The following ORC1 variants were observed in gnomAD, a reference collection of about 807,000 sequenced individuals.
The protein encoded by ORC1 is origin recognition complex subunit 1.
ORC1 carries 61 observed loss-of-function variants against 98.9 expected under a neutral mutation model. The observed-to-expected ratio is 0.62, with a 90% CI of 0.50 to 0.76. The LOEUF is 0.76. Ranked by LOEUF, ORC1 falls within the 30% of genes least tolerant of loss-of-function variation. The pLI, the probability that ORC1 is intolerant of heterozygous loss-of-function variation, is 0.00. For missense variants in ORC1, 979 were observed against 1,072.2 expected (o/e 0.91, Z 1.21); for synonymous variants, 385 against 406.9 (o/e 0.95, Z 0.65).
intron 3 of ORC1, 79 bp downstream of exon 3, chr1:52,401,283 G>T: frequency 6.4e-7 from 1 of 1,573,036 alleles, no homozygotes; most frequent in South Asian, 1.1e-5. Flanking sequence ...ACACTGCTGT[G>T]AACAAAAGAA....
At chr1:52,394,169 T>C (rs1009465802) in intron 5 of ORC1, among the ~76,000 whole-genome samples, 1 of 152,252 alleles carries the variant, frequency 6.6e-6, no homozygotes, top group African/African-American at 2.4e-5. Flanking sequence ...AAGAGATTTA[T>C]ACTAGAGATG....
At chr1:52,393,417 G>A in intron 6 of ORC1, 26 bp downstream of exon 6, 1 of 1,613,892 alleles carries the variant, frequency 6.2e-7, no homozygotes, top group Non-Finnish European at 8.5e-7. Context: ...ATTTCAATTT[G>A]CTCTGTGGGT....
chr1:52,377,793 T>C (rs7537734), intron 14 of ORC1, among the ~76,000 whole-genome samples: 19,393 of 149,968 alleles, frequency 0.13, 1,979 homozygotes, highest in African/African-American at 0.28. Context: ...CATGCTGAAT[T>C]CCATGCATAT....
chr1:52,381,987 T>C (rs978855617), intron 13 of ORC1, among the ~76,000 whole-genome samples: 1 of 152,194 alleles, frequency 6.6e-6, no homozygotes, highest in African/African-American at 2.4e-5. Flanking sequence ...TTGATTCTTT[T>C]TTTTTCTTTG....
intron 8 of ORC1, among the ~76,000 whole-genome samples, chr1:52,387,711 G>C (rs1055569846): frequency 2.6e-5 from 4 of 152,060 alleles, no homozygotes; most frequent in Admixed American, 6.5e-5. Context: ...CACCCACCTC[G>C]GCCTCCAAAG....
intron 14 of ORC1, among the ~76,000 whole-genome samples, chr1:52,381,357 T>G (rs1446419036): frequency 2.0e-5 from 3 of 152,204 alleles, no homozygotes; most frequent in Non-Finnish European, 2.9e-5. Flanking sequence ...AAGCCAGAAT[T>G]CAAACCAGGT....
At chr1:52,382,262 A>C (rs1345400298) in intron 13 of ORC1, among the ~76,000 whole-genome samples, 1 of 151,848 alleles carries the variant, frequency 6.6e-6, no homozygotes, top group Non-Finnish European at 1.5e-5. Context: ...TACAGGCGTG[A>C]GCAACCACGC....
rs150772581 is a variant in ORC1 at position 52,402,860 on chromosome 1, G to A, written c.-5-632C>T. Among the ~76,000 whole-genome samples the A allele has an allele frequency of 8.4e-3, 1,275 of 152,240 alleles. 17 individuals are homozygous for A. Among genetic ancestry groups the A allele is most frequent in the African/African-American group, 0.029 (1,221 of 41,534 alleles). On this transcript the variant is annotated intron_variant, in intron 1 of 16. Coordinates refer to ENST00000371568, the MANE Select transcript of ORC1 (RefSeq NM_004153.4). The stretch of plus-strand genomic sequence containing the variant: ...TGCAGTGAGCCGAGATCGCAACACT[G>A]CACTCTAGTCTGGGTGACAGAGCAG...
chr1:52,408,390 G>T (rs1648058811), upstream of ORC1: 2 of 771,392 alleles, frequency 2.6e-6, no homozygotes, highest in East Asian at 5.3e-5. Flanking sequence ...ATGGGAACTT[G>T]AACTCAGGTC....
At position 52,396,071 on chromosome 1, in the gene ORC1, T is replaced by C; in HGVS notation, c.696A>G (p.Arg232=). 6.2e-7 allele frequency: 1 copy of C among 1,614,160 alleles called. No individual in the cohort carries two copies. Among genetic ancestry groups the C allele is most frequent in the Non-Finnish European group, 8.5e-7 (1 of 1,180,024 alleles). Residue 232 remains arginine (R), a synonymous_variant, in exon 5 of 17, where the codon AGA becomes AGG. Transcript: ENST00000371568. ...RQTPTHPLTP[R]ARKRLELGNL... is the part of the protein sequence containing the mutation. Reference sequence around the variant, plus strand: ...TGCCAAGCTCCAGCCTCTTTCTGGCTCTTGGGGTAAGAGGATGGGTAGGAG... The same window carrying C: ...TGCCAAGCTCCAGCCTCTTTCTGGCCCTTGGGGTAAGAGGATGGGTAGGAG...
chr1:52,378,057 C>T (rs376362491), intron 14 of ORC1, among the ~76,000 whole-genome samples: 5 of 152,100 alleles, frequency 3.3e-5, no homozygotes, highest in Non-Finnish European at 4.4e-5. Flanking sequence ...TTAAAAAAAC[C>T]GGGCTGGGGC....
intron 14 of ORC1, 32 bp from the exon 15 acceptor site, chr1:52,375,631 A>G: frequency 6.2e-7 from 1 of 1,608,272 alleles, no homozygotes; most frequent in Non-Finnish European, 8.5e-7. Context: ...TCCTGAGGCC[A>G]CCTTAGCCCA....
upstream of ORC1, chr1:52,404,663 C>T (rs1647915696): frequency 1.4e-6 from 2 of 1,462,260 alleles, no homozygotes; most frequent in Non-Finnish European, 1.9e-6. Flanking sequence ...CTTCTTCCAC[C>T]TTTCTCCATT....
upstream of ORC1, among the ~76,000 whole-genome samples, chr1:52,406,657 A>AT (rs1648006535): frequency 6.6e-6 from 1 of 152,244 alleles, no homozygotes; most frequent in African/African-American, 2.4e-5. Context: ...AAACACCTAG[A>AT]AAATGTCAGC....
chr1:52,404,810 G>A, upstream of ORC1: 1 of 1,614,222 alleles, frequency 6.2e-7, no homozygotes, highest in Non-Finnish European at 8.5e-7. Flanking sequence ...TCAATATCTG[G>A]TGGAGAAGAT....
At chr1:52,403,042 C>T (rs893547194) in intron 1 of ORC1, among the ~76,000 whole-genome samples, 3 of 152,220 alleles carry the variant, frequency 2.0e-5, no homozygotes, top group African/African-American at 7.2e-5. Flanking sequence ...TTACAACACA[C>T]TGTGTGAAAC....
chr1:52,407,927 A>G (rs1366679873), upstream of ORC1, among the ~76,000 whole-genome samples: 1 of 152,268 alleles, frequency 6.6e-6, no homozygotes, highest in Non-Finnish European at 1.5e-5. Context: ...GTGTTGGCAC[A>G]TGCCTATAAT....
intron 14 of ORC1, among the ~76,000 whole-genome samples, chr1:52,375,932 C>G (rs1464118920): frequency 6.6e-6 from 1 of 152,190 alleles, no homozygotes; most frequent in African/African-American, 2.4e-5. Flanking sequence ...TGCATAGAGA[C>G]AGACGTGTGC....
chr1:52,397,396 G>T (rs1216508020), intron 4 of ORC1, among the ~76,000 whole-genome samples: 1 of 152,212 alleles, frequency 6.6e-6, no homozygotes, highest in Non-Finnish European at 1.5e-5. Flanking sequence ...CTTTATGCAT[G>T]CCACAGTCAT....
Sources: allele counts gnomAD v4.1 joint callset (sites outside exome capture counted in the v4.1 genomes callset), GRCh38; gene constraint gnomAD v4.1.1; transcripts MANE v1.5; gene names NCBI Gene and HGNC (gene_info 2026-07-23, HGNC 2026-07-21).